Variants in PSG7 observed in about 807,000 individuals in gnomAD.
PSG7 encodes pregnancy-specific beta-1-glycoprotein 7.
A neutral mutation model predicts 45.6 loss-of-function variants in PSG7; 57 were observed. That is an observed-to-expected ratio of 1.25 (90% CI 1.01 to 1.56). PSG7 has a LOEUF of 1.56. Among genes scored for constraint, PSG7 ranks in the 40% most tolerant of loss-of-function variants. The pLI is 0.00. For missense variants in PSG7, 796 were observed against 508.4 expected, an observed-to-expected ratio of 1.57 and a Z score of -5.44; for synonymous variants, 298 against 194.4, an observed-to-expected ratio of 1.53 and a Z score of -4.43.
chr19:42,929,743 A>T (rs781289762), intron 2 of PSG7, 23 bp from the exon 3 acceptor site: 3 of 1,606,180 alleles, frequency 1.9e-6, no homozygotes, highest in Middle Eastern at 1.7e-4. Context: ...CAGAGAGAAG[A>T]TTGCCCTGTG....
rs1600576301 is a variant in PSG7, at chr19:42,937,157, C to T, written c.-81G>A. On this transcript the variant is annotated 5_prime_UTR_variant, in exon 1 of 6. Transcript: ENST00000406070. ...TTCCTGAGCACGGCTGTCAGCTGTG[C>T]TGTCCTTCCTCCTTCTGCACTGAGC... is the stretch of plus-strand genomic sequence containing the variant. 7 of 1,549,356 alleles carry T rather than the reference C, an allele frequency of 4.5e-6. 1 individual carries two copies. The highest frequency in any genetic ancestry group is 2.3e-5 in the East Asian group (1 of 43,938).
intron 3 of PSG7, among the ~76,000 whole-genome samples, chr19:42,928,749 C>T (rs1323565963): frequency 6.6e-6 from 1 of 151,356 alleles, no homozygotes; most frequent in Non-Finnish European, 1.5e-5. Flanking sequence ...ATAGACTTCC[C>T]TGGAAAACAT....
rs1049565880 is a variant in PSG7 at position 42,924,401 on chromosome 19, G to C, written c.*407C>G. 1 of 450,728 alleles carries C rather than the reference G, an allele frequency of 2.2e-6. No homozygotes were observed. The highest frequency in any genetic ancestry group is 3.9e-6 in the Non-Finnish European group (1 of 258,760). 27.9% of individuals were successfully genotyped at this position (450,728 alleles called of 1,614,324 possible). A position where few individuals can be genotyped will look rare whatever the true frequency, so the allele number is the denominator to read the frequency against. Reference sequence around the variant, plus strand: ...AGATGTTATGTAAAAGTCTGAGGTTGAGATGACATATCTGACACTCTGTTG... The same window carrying C: ...AGATGTTATGTAAAAGTCTGAGGTTCAGATGACATATCTGACACTCTGTTG... On this transcript the variant is annotated 3_prime_UTR_variant, in exon 6 of 6. Transcript: ENST00000406070.
chr19:42,926,729 C>T lies in PSG7; in HGVS notation c.710-13G>A, dbSNP rs765964983. On this transcript the variant is annotated splice_polypyrimidine_tract_variant and intron_variant, in intron 3 of 5. Coordinates refer to ENST00000406070, the MANE Select transcript of PSG7 (RefSeq NM_002783.3). ...TTGGGCAGCTTCGCTGTGTGAATAA[C>T]AGAGAGAAGATTGTCCTGTGTGGCA... 3 of 1,609,532 alleles carry T rather than the reference C, an allele frequency of 1.9e-6. No individual in the cohort carries two copies. Among genetic ancestry groups the T allele is most frequent in the Non-Finnish European group, 2.5e-6 (3 of 1,178,340 alleles).
intron 2 of PSG7, among the ~76,000 whole-genome samples, chr19:42,933,298 TATATATATA>T (rs1303835621): frequency 1.6e-3 from 29 of 18,398 alleles, no homozygotes; most frequent in East Asian, 6.1e-3. Context: ...TATATATATA[TATATATATA>T]TTTTTTTTTT....
rs1486012825 is a variant in PSG7 at position 42,925,850 on chromosome 19, C to A, written c.1166G>T (p.Ser389Ile). Residue 389 changes from serine to isoleucine, a missense_variant, in exon 5 of 6, where the codon AGC (serine) becomes ATC (isoleucine). Ser to Ile is a moderately radical substitution (Grantham distance 142). Coordinates refer to ENST00000406070, the MANE Select transcript of PSG7 (RefSeq NM_002783.3). ...LSIPQITTKH[S>I]GLYACSVRNS... ...ACGAACAGAGCAAGCATAGAGCCCG[C>A]TATGCTTTGTAGTAATCTGGGGGAT... 2 of 1,612,016 alleles carry A rather than the reference C, an allele frequency of 1.2e-6. No homozygotes were observed. Among genetic ancestry groups the A allele is most frequent in the East Asian group, 4.5e-5 (2 of 44,794 alleles).
At position 42,931,908 on chromosome 19, in the gene PSG7, T is replaced by C. The variant is rs981962214; in HGVS notation, c.431-2188A>G. On this transcript the variant is annotated intron_variant, in intron 2 of 5. Coordinates refer to ENST00000406070, the MANE Select transcript of PSG7 (RefSeq NM_002783.3). Reference sequence around the variant, plus strand: ...TCCACTTTTTTTCCCCCACTCTTTTTGAACTTTCCTGTTTCAGTTTTGGAA... The same window carrying C: ...TCCACTTTTTTTCCCCCACTCTTTTCGAACTTTCCTGTTTCAGTTTTGGAA... Among the ~76,000 whole-genome samples, 42 of 151,654 alleles carry C rather than the reference T, an allele frequency of 2.8e-4. 2 individuals are homozygous for C. Among genetic ancestry groups the C allele is most frequent in the African/African-American group, 9.2e-4 (38 of 41,240 alleles).
chr19:42,937,193 G>T lies in PSG7; in HGVS notation c.-117C>A. On this transcript the variant is annotated 5_prime_UTR_variant, in exon 1 of 6. Coordinates refer to ENST00000406070, the MANE Select transcript of PSG7 (RefSeq NM_002783.3). ...CCTTCTGCACTGAGCCTCTTCCCGG[G>T]GCAGGAGCACTTCTCAAGCTCATGG... The T allele has an allele frequency of 7.0e-7, 1 of 1,431,504 alleles. No individual in the cohort carries two copies. Among genetic ancestry groups the T allele is most frequent in the African/African-American group, 1.4e-5 (1 of 69,786 alleles). 88.7% of individuals were successfully genotyped at this position (1,431,504 alleles called of 1,614,324 possible).
In PSG7 at chr19:42,924,771, C is replaced by G. The variant is rs769543766; in HGVS notation, c.*37G>C. On this transcript the variant is annotated 3_prime_UTR_variant, in exon 6 of 6. Transcript: ENST00000406070. ...AGAGTGGGTCTTGCTCTTTGAGGTT[C>G]CATGGGAGAAGATGGAATTGGAGGA... The G allele has an allele frequency of 1.7e-5, 13 of 767,490 alleles. No homozygotes were observed. The South Asian group carries it at 1.8e-4, about 10-fold the overall frequency. The allele number at this position is 767,490 out of a possible 1,614,324, so 47.5% of individuals were successfully genotyped here. A position where few individuals can be genotyped will look rare whatever the true frequency, so the allele number is the denominator to read the frequency against.
At position 42,935,437 on chromosome 19, in the gene PSG7, C is replaced by G. The variant is rs1191307647; in HGVS notation, c.397G>C (p.Gly133Arg). 6.8e-6 allele frequency: 11 copies of G among 1,612,132 alleles called. No individual in the cohort carries two copies. Among genetic ancestry groups the G allele is most frequent in the Non-Finnish European group, 6.8e-6 (8 of 1,178,970 alleles). Reference protein sequence around the residue: ...HIIKRGDGTGGVTGRFTFTLY... With the variant: ...HIIKRGDGTGRVTGRFTFTLY... ...GTGAAGGTGAAACGTCCAGTTACTC[C>G]TCCAGTCCCATCACCTCGCTTTATG... The change falls in exon 2 of 6, where the codon GGA (glycine) becomes CGA (arginine). Residue 133 changes from glycine to arginine, a missense_variant. Coordinates refer to ENST00000406070, the MANE Select transcript of PSG7 (RefSeq NM_002783.3).
intron 2 of PSG7, among the ~76,000 whole-genome samples, chr19:42,934,159 C>T (rs761224897): frequency 6.6e-6 from 1 of 151,496 alleles, no homozygotes; most frequent in Non-Finnish European, 1.5e-5. Context: ...CTTTGGGAAA[C>T]ACAGGATTTC....
chr19:42,928,602 G>T (rs1184210283), intron 3 of PSG7, among the ~76,000 whole-genome samples: 1 of 151,404 alleles, frequency 6.6e-6, no homozygotes, highest in Non-Finnish European at 1.5e-5. Context: ...TTAGTGTATA[G>T]TCTGAAGAAT....
rs372868509 is a variant in PSG7 at position 42,935,526 on chromosome 19, G to T, written c.308C>A (p.Ser103Tyr). 3.1e-6 allele frequency: 5 copies of T among 1,612,180 alleles called. 1 individual carries two copies. Among genetic ancestry groups the T allele is most frequent in the Non-Finnish European group, 4.2e-6 (5 of 1,179,048 alleles). ...PAYSGRETVY[S>Y]NASLLIQNVT... ...ATTCTGGATCAGCAGGGATGCATTG[G>T]AATATACTGTTTCTCGTCCACTGTA... The change falls in exon 2 of 6, where the codon TCC (serine) becomes TAC (tyrosine). Residue 103 changes from serine to tyrosine, a missense_variant. Ser to Tyr is a moderately radical substitution (Grantham distance 144, BLOSUM62 -2). Coordinates refer to ENST00000406070, the MANE Select transcript of PSG7 (RefSeq NM_002783.3).
intron 2 of PSG7, among the ~76,000 whole-genome samples, 152 bp downstream of exon 2, chr19:42,935,252 T>C (rs1276192072): frequency 6.6e-6 from 1 of 151,832 alleles, no homozygotes; most frequent in Admixed American, 6.6e-5. Context: ...ATTTGTCTCC[T>C]CTGTGTGTTT....
chr19:42,930,823 G>A (rs1433931429), intron 2 of PSG7, among the ~76,000 whole-genome samples: 1 of 151,418 alleles, frequency 6.6e-6, no homozygotes, highest in East Asian at 1.9e-4. Flanking sequence ...AGGATGAGGG[G>A]GTTCTAGAGA....
In PSG7 at chr19:42,925,762, G is replaced by A. The variant is rs1403810793; in HGVS notation, c.1243+11C>T. 2 of 1,611,798 alleles carry A rather than the reference G, an allele frequency of 1.2e-6. No homozygotes were observed. Among genetic ancestry groups the A allele is most frequent in the African/African-American group, 2.7e-5 (2 of 74,628 alleles). On this transcript the variant is annotated intron_variant, in intron 5 of 5. Coordinates refer to ENST00000406070, the MANE Select transcript of PSG7 (RefSeq NM_002783.3). ...AAAACCCTATTGCCAAGGATGCTGG[G>A]ATCCACTTACCAGAGACTCTGACTG...
chr19:42,935,830 G>C, intron 1 of PSG7, 61 bp from the exon 2 acceptor site: 1 of 1,547,492 alleles, frequency 6.5e-7, no homozygotes, highest in Non-Finnish European at 8.7e-7. Flanking sequence ...GAAAAGATGG[G>C]CCCCTGGGTC....
chr19:42,927,499 G>C (rs1389292521), intron 3 of PSG7: 1 of 151,772 alleles, frequency 6.6e-6, no homozygotes, highest in Non-Finnish European at 1.5e-5. Flanking sequence ...TGAGGACCAT[G>C]TGGATCTTTC....
chr19:42,926,743 T>A, intron 3 of PSG7, 27 bp from the exon 4 acceptor site: 1 of 1,607,608 alleles, frequency 6.2e-7, no homozygotes. Flanking sequence ...GAGAAGATTG[T>A]CCTGTGTGGC....
Sources: gnomAD v4.1 joint callset for allele counts (sites outside exome capture counted in the v4.1 genomes callset) on GRCh38, gnomAD v4.1.1 for gene constraint, MANE v1.5 for transcripts, NCBI Gene and HGNC (gene_info 2026-07-23, HGNC 2026-07-21) for gene names.